The following CEP57 variants were observed in gnomAD, a reference collection of about 807,000 sequenced individuals.
The protein encoded by CEP57 is centrosomal protein 57.
CEP57 carries 40 observed loss-of-function variants against 68.0 expected under a neutral mutation model. The observed-to-expected ratio is 0.59, with a 90% CI of 0.46 to 0.77. The LOEUF (loss-of-function observed/expected upper bound fraction) is 0.77. Ranked by LOEUF, CEP57 falls within the 30% of genes least tolerant of loss-of-function variation. The probability of loss-of-function intolerance (pLI) is 0.00; values close to 1 mark genes in which losing one functional copy is unlikely to be tolerated. For missense variants in CEP57, 606 were observed against 580.7 expected, an observed-to-expected ratio of 1.04 and a Z score of -0.45; for synonymous variants, 219 against 198.7, an observed-to-expected ratio of 1.10 and a Z score of -0.86.
intron 8 of CEP57, chr11:95,823,049 TG>T: frequency 5.1e-6 from 1 of 195,616 alleles, no homozygotes; most frequent in Non-Finnish European, 1.1e-5. Flanking sequence ...CTTCAGCACT[TG>T]AATGTAAAGC....
intron 7 of CEP57, 185 bp downstream of exon 7, chr11:95,822,163 T>C (rs1051299243): frequency 4.9e-6 from 3 of 614,252 alleles, no homozygotes; most frequent in Non-Finnish European, 8.7e-6. Flanking sequence ...AGTGAGAAAA[T>C]ATATAAGCAT....
intron 8 of CEP57, chr11:95,823,079 G>A (rs1862581040): frequency 6.0e-6 from 1 of 166,132 alleles, no homozygotes; most frequent in African/African-American, 2.4e-5. Flanking sequence ...CATATATCAA[G>A]TACTGAGTGA....
intron 2 of CEP57, among the ~76,000 whole-genome samples, chr11:95,804,944 T>C (rs1003931051): frequency 6.6e-6 from 1 of 152,134 alleles, no homozygotes; most frequent in Admixed American, 6.5e-5. Flanking sequence ...AAGAAAACAA[T>C]AAAACGTTAC....
At chr11:95,810,944 C>G (rs111965193) in intron 2 of CEP57, among the ~76,000 whole-genome samples, 1 of 152,084 alleles carries the variant, frequency 6.6e-6, no homozygotes, top group East Asian at 1.9e-4. Flanking sequence ...ACAACAGATG[C>G]TTGAGAGGAT....
intron 2 of CEP57, among the ~76,000 whole-genome samples, chr11:95,812,271 A>G (rs991559459): frequency 2.6e-5 from 4 of 152,100 alleles, no homozygotes; most frequent in Non-Finnish European, 5.9e-5. Flanking sequence ...TAAGTAATAT[A>G]TTAATAAGAC....
intron 2 of CEP57, among the ~76,000 whole-genome samples, chr11:95,800,845 C>T (rs1214866758): frequency 1.3e-5 from 2 of 152,160 alleles, no homozygotes; most frequent in African/African-American, 4.8e-5. Context: ...TTAGATGTTT[C>T]TTCATCTGTA....
At chr11:95,799,473 T>C in intron 2 of CEP57, 85 bp downstream of exon 2, 1 of 1,505,894 alleles carries the variant, frequency 6.6e-7, no homozygotes. Flanking sequence ...ATTTTGCCAT[T>C]AGAGGAAAAT....
intron 4 of CEP57, among the ~76,000 whole-genome samples, chr11:95,814,938 A>G (rs187045984): frequency 2.6e-5 from 4 of 152,320 alleles, no homozygotes; most frequent in Non-Finnish European, 2.9e-5. Flanking sequence ...CCTACACCCA[A>G]TCTCATATAC....
chr11:95,822,304 T>A (rs1451120440), intron 7 of CEP57, 195 bp from the exon 8 acceptor site: 21 of 599,242 alleles, frequency 3.5e-5, no homozygotes, highest in Non-Finnish European at 5.9e-5. Flanking sequence ...CAAGTGCTTT[T>A]TTCCCCCCAG....
rs547051649 is a variant in CEP57, at chr11:95,827,646, A to T, written c.886-140A>T. On this transcript the variant is annotated intron_variant, in intron 8 of 10. Coordinates refer to ENST00000325542, the MANE Select transcript of CEP57 (RefSeq NM_014679.5). Reference sequence around the variant, plus strand: ...ATATCAAAGGATTTCAAATAGAAGAACATCATGATGAGAATAATTTTAGGA... The same window carrying T: ...ATATCAAAGGATTTCAAATAGAAGATCATCATGATGAGAATAATTTTAGGA... 17 of 935,256 alleles carry T rather than the reference A, an allele frequency of 1.8e-5. 1 individual carries two copies. The African/African-American group carries it at 2.5e-4, about 14-fold the overall frequency. 57.9% of individuals were successfully genotyped at this position (935,256 alleles called of 1,614,324 possible).
chr11:95,799,088 A>T, intron 1 of CEP57, 144 bp from the exon 2 acceptor site: 1 of 776,248 alleles, frequency 1.3e-6, no homozygotes, highest in Non-Finnish European at 2.1e-6. Flanking sequence ...GTATTTCTTT[A>T]ATGATTGAAT....
At chr11:95,824,656 AAGTACCCT>A in intron 8 of CEP57, among the ~76,000 whole-genome samples, 1 of 152,216 alleles carries the variant, frequency 6.6e-6, no homozygotes, top group East Asian at 1.9e-4. Context: ...ATGCAGACAG[AAGTACCCT>A]ATTCTGGAAA....
chr11:95,790,112 C>T (rs1310588172), upstream of CEP57: 1 of 159,238 alleles, frequency 6.3e-6, no homozygotes, highest in East Asian at 1.9e-4. Context: ...TCGTTAAGTC[C>T]CTCCTAATCC....
intron 2 of CEP57, among the ~76,000 whole-genome samples, chr11:95,806,886 G>A (rs762537597): frequency 3.3e-5 from 5 of 152,190 alleles, no homozygotes; most frequent in Non-Finnish European, 5.9e-5. Flanking sequence ...TTCCCAGCAC[G>A]GAGTTTGAGA....
intron 5 of CEP57, among the ~76,000 whole-genome samples, chr11:95,818,430 A>C (rs146791055): frequency 0.017 from 2,582 of 152,094 alleles, 38 homozygotes; most frequent in South Asian, 0.064. Context: ...AAAAAAATTA[A>C]ATGTTTTTGA....
At chr11:95,822,974 A>C in intron 8 of CEP57, 1 of 251,744 alleles carries the variant, frequency 4.0e-6, no homozygotes, top group Non-Finnish European at 7.9e-6. Flanking sequence ...TTGTCCTCAC[A>C]TCCAGATCAT....
intron 1 of CEP57, among the ~76,000 whole-genome samples, chr11:95,797,010 C>T (rs900306606): frequency 1.3e-5 from 2 of 152,114 alleles, no homozygotes; most frequent in African/African-American, 4.8e-5. Context: ...CTCCCCAAAC[C>T]TCATTATTCA....
At chr11:95,819,737 G>T (rs962213177) in intron 6 of CEP57, among the ~76,000 whole-genome samples, 2 of 152,082 alleles carry the variant, frequency 1.3e-5, no homozygotes, top group Non-Finnish European at 2.9e-5. Context: ...GTGACCAAAG[G>T]CCTACAATGT....
At chr11:95,790,865 C>G in intron 1 of CEP57, 122 bp downstream of exon 1, 2 of 1,107,986 alleles carry the variant, frequency 1.8e-6, no homozygotes, top group Non-Finnish European at 2.7e-6. Context: ...GCGGGAATGC[C>G]TAGATTGCCC....
Sources: allele counts gnomAD v4.1 joint callset (sites outside exome capture counted in the v4.1 genomes callset), GRCh38; gene constraint gnomAD v4.1.1; transcripts MANE v1.5; gene names NCBI Gene and HGNC (gene_info 2026-07-23, HGNC 2026-07-21).